PUDP: variants seen among roughly 807,000 people sequenced by gnomAD.
The protein encoded by PUDP is pseudouridine-5'-phosphatase.
Under a neutral mutation model 9.4 loss-of-function variants are expected in PUDP, and 8 were observed. The ratio of observed to expected loss-of-function variants is 0.85; its 90% confidence interval spans 0.50 to 1.53. PUDP has a LOEUF of 1.53. Among genes scored for constraint, PUDP ranks in the 40% most tolerant of loss-of-function variants. The probability of loss-of-function intolerance (pLI) is 0.00; values close to 1 mark genes in which losing one functional copy is unlikely to be tolerated. For synonymous variants in PUDP, 99 were observed against 80.7 expected (o/e 1.23, Z -1.22); for missense variants, 188 against 189.7 (o/e 0.99, Z 0.05).
intron 3 of PUDP, among the ~76,000 whole-genome samples, chrX:7,058,847 C>T (rs1011705529): frequency 9.0e-6 from 1 of 111,602 alleles, no homozygotes; most frequent in African/African-American, 3.3e-5. Context: ...CTCCCTTCCT[C>T]CTGCTCTCCC....
intron 3 of PUDP, among the ~76,000 whole-genome samples, chrX:6,927,209 T>C (rs186216105): frequency 3.0e-4 from 33 of 110,745 alleles, no homozygotes; most frequent in Admixed American, 1.3e-3. Flanking sequence ...GCTGGGATTA[T>C]AGGCATGAGC....
chrX:6,962,720 C>A (rs1928726493), intron 3 of PUDP, among the ~76,000 whole-genome samples: 1 of 112,256 alleles, frequency 8.9e-6, no homozygotes, highest in Non-Finnish European at 1.9e-5. Context: ...TTTTATATGG[C>A]TGTTGATTTC....
chrX:7,030,851 G>A lies in PUDP; in HGVS notation c.204+46369C>T, dbSNP rs771784970. Reference sequence around the variant, plus strand: ...TGGATCTTGCCAAGAAAGAATTCAGGTCGAGTCCATAAAGTGAAAGCAAGT... The same window carrying A: ...TGGATCTTGCCAAGAAAGAATTCAGATCGAGTCCATAAAGTGAAAGCAAGT... On this transcript the variant is annotated intron_variant and NMD_transcript_variant, in intron 1 of 3. Transcript: ENST00000655425. 4.5e-5 allele frequency among the ~76,000 whole-genome samples: 5 copies of A among 111,562 alleles called. No homozygotes were observed. In the South Asian group the frequency reaches 1.5e-3, roughly 34 times the overall value.
chrX:6,918,461 A>G (rs756424823), intron 3 of PUDP, among the ~76,000 whole-genome samples: 1 of 112,015 alleles, frequency 8.9e-6, no homozygotes, highest in Admixed American at 9.5e-5. Context: ...TGAAATACAA[A>G]AAAAAAAACA....
chrX:6,845,680 T>G (rs1205899524), intron 3 of PUDP, among the ~76,000 whole-genome samples: 1 of 110,768 alleles, frequency 9.0e-6, no homozygotes, highest in Non-Finnish European at 1.9e-5. Flanking sequence ...CTCTCTTTTC[T>G]TTACACTCAC....
intron 1 of PUDP, among the ~76,000 whole-genome samples, chrX:7,122,319 T>C (rs1005693811): frequency 5.4e-5 from 6 of 111,431 alleles, no homozygotes; most frequent in African/African-American, 2.0e-4. Flanking sequence ...AATACTGCTA[T>C]GTACATGCAT....
chrX:6,922,359 C>A (rs1241538592), intron 3 of PUDP, among the ~76,000 whole-genome samples: 1 of 111,441 alleles, frequency 9.0e-6, no homozygotes, highest in Non-Finnish European at 1.9e-5. Flanking sequence ...AAAAACATCT[C>A]ATGTACAACA....
rs932956564 is a variant in PUDP at position 7,129,783 on chromosome X, T to C, written c.61+18270A>G. On this transcript the variant is annotated intron_variant, in intron 1 of 3. Coordinates refer to ENST00000381077, the MANE Select transcript of PUDP (RefSeq NM_012080.5). ...ATCTCACATCTGGGCAAGAGAACTT[T>C]AATGAAGGCAAAGGAAAGAGCCATC... Among the ~76,000 whole-genome samples, 3 of 112,000 alleles carry C rather than the reference T, an allele frequency of 2.7e-5. No homozygotes were observed. In the Admixed American group the frequency reaches 2.8e-4, roughly 11 times the overall value.
chrX:6,898,607 G>A (rs1179311471), intron 3 of PUDP, among the ~76,000 whole-genome samples: 2 of 111,664 alleles, frequency 1.8e-5, no homozygotes, highest in Non-Finnish European at 3.8e-5. Flanking sequence ...TGGCTCTGTC[G>A]GCCACAGGGT....
chrX:6,866,418 C>G (rs1338144295), intron 3 of PUDP, among the ~76,000 whole-genome samples: 1 of 111,212 alleles, frequency 9.0e-6, no homozygotes, highest in Non-Finnish European at 1.9e-5. Flanking sequence ...GCCACAGGAG[C>G]AAAAGTGTGT....
At chrX:6,723,036 C>G (rs1433058181), upstream of PUDP, among the ~76,000 whole-genome samples, 1 of 110,778 alleles carries the variant, frequency 9.0e-6, no homozygotes, top group African/African-American at 3.3e-5. Context: ...ATATTACAAA[C>G]TAGCAATTTC....
At chrX:7,085,828 C>T (rs1931246589) in intron 2 of PUDP, among the ~76,000 whole-genome samples, 1 of 111,530 alleles carries the variant, frequency 9.0e-6, no homozygotes. Flanking sequence ...CTCCACAAGG[C>T]CCCCACACTG....
Position 6,844,665 on chromosome X carries a change from GA to G in PUDP, c.*247+132467del, listed in dbSNP as rs199796327. The stretch of plus-strand genomic sequence containing the variant: ...AGGTATAGATATAAACACAGATATA[GA>G]TATGGAGATATACAAGATGGGATTT... On this transcript the variant is annotated intron_variant and NMD_transcript_variant, in intron 3 of 3. Transcript: ENST00000655425. Among the ~76,000 whole-genome samples the G allele has an allele frequency of 8.3e-3, 937 of 112,632 alleles. 39 individuals carry two copies. Among genetic ancestry groups the G allele is most frequent in the Admixed American group, 0.08 (851 of 10,612 alleles).
chrX:6,903,202 T>C (rs1176765118), intron 3 of PUDP, among the ~76,000 whole-genome samples: 1 of 112,353 alleles, frequency 8.9e-6, no homozygotes, highest in Non-Finnish European at 1.9e-5. Flanking sequence ...TAATCCCATT[T>C]CAGCTTTTAT....
At chrX:6,853,445 T>TTG (rs34299629) in intron 3 of PUDP, among the ~76,000 whole-genome samples, 3,908 of 67,414 alleles carry the variant, frequency 0.058, 75 homozygotes, top group East Asian at 0.23. Flanking sequence ...TTCCCCCCTT[T>TTG]TGTGTGTGTT....
chrX:6,768,097 T>A (rs1925308089), intron 3 of PUDP, among the ~76,000 whole-genome samples: 1 of 112,008 alleles, frequency 8.9e-6, no homozygotes, highest in Non-Finnish European at 1.9e-5. Context: ...AGGTTAAGAA[T>A]AATCCAATGT....
rs1343014998 is a variant in PUDP, at chrX:7,147,934, GC to G, written c.61+118del. On this transcript the variant is annotated intron_variant, in intron 1 of 3. Coordinates refer to ENST00000381077, the MANE Select transcript of PUDP (RefSeq NM_012080.5). Reference sequence around the variant, plus strand: ...GGGGGCAGAGCGCGCGGGAGCCCGAGCGTCCCTGCATGAACACCGCCCCGCC... The same window carrying G: ...GGGGGCAGAGCGCGCGGGAGCCCGAGGTCCCTGCATGAACACCGCCCCGCC... 3 of 532,817 alleles carry G rather than the reference GC, an allele frequency of 5.6e-6. No individual in the cohort carries two copies. The Admixed American group carries it at 1.1e-4, about 20-fold the overall frequency. 43.9% of individuals were successfully genotyped at this position (532,817 alleles called of 1,213,427 possible).
intron 3 of PUDP, among the ~76,000 whole-genome samples, chrX:6,856,583 TTTTC>T (rs1926909577): frequency 9.0e-6 from 1 of 111,494 alleles, no homozygotes; most frequent in Non-Finnish European, 1.9e-5. Flanking sequence ...TTTTGCTGAG[TTTTC>T]TTTCTAATAA....
chrX:7,081,712 A>G (rs1931094220), intron 2 of PUDP, among the ~76,000 whole-genome samples: 1 of 113,255 alleles, frequency 8.8e-6, no homozygotes, highest in Non-Finnish European at 1.9e-5. Flanking sequence ...ATTACGGGAC[A>G]TCCGTCAATT....
Sources: gnomAD v4.1 joint callset for allele counts (sites outside exome capture counted in the v4.1 genomes callset) on GRCh38, gnomAD v4.1.1 for gene constraint, MANE v1.5 for transcripts, NCBI Gene and HGNC (gene_info 2026-07-23, HGNC 2026-07-21) for gene names.